N4BP1: variants seen among roughly 807,000 people sequenced by gnomAD.
The protein encoded by N4BP1 is NEDD4 binding protein 1, also known as NEDD4-binding protein 1.
A neutral mutation model predicts 70.9 loss-of-function variants in N4BP1; 21 were observed. The ratio of observed to expected loss-of-function variants is 0.30; its 90% CI spans 0.21 to 0.43. The LOEUF is 0.43. Ranked by LOEUF, N4BP1 falls within the 20% of genes least tolerant of loss-of-function variation. The pLI, the probability that N4BP1 is intolerant of heterozygous loss-of-function variation, is 1.00. For synonymous variants in N4BP1, 387 were observed against 394.6 expected, an observed-to-expected ratio of 0.98 and a Z score of 0.23; for missense variants, 936 against 1,069.4, an observed-to-expected ratio of 0.88 and a Z score of 1.74.
Position 48,551,397 on chromosome 16 carries a change from A to T in N4BP1, c.2106T>A (p.Ser702=). The part of the protein sequence containing the change: ...ARMVFGERIA[S]HDDRFLLHLA... Reference sequence around the variant, plus strand: ...ATGGCCTTTCATACCTGTCATCATGAGAAGCAATTCTTTCTCCAAAGACCA... The same window carrying T: ...ATGGCCTTTCATACCTGTCATCATGTGAAGCAATTCTTTCTCCAAAGACCA... The change falls in exon 4 of 7, where the codon TCT becomes TCA. Residue 702 remains serine, a synonymous_variant. Coordinates refer to ENST00000262384, the MANE Select transcript of N4BP1 (RefSeq NM_153029.4). The T allele has an allele frequency of 6.2e-7, 1 of 1,613,340 alleles. No individual in the cohort carries two copies. Among genetic ancestry groups the T allele is most frequent in the Non-Finnish European group, 8.5e-7 (1 of 1,179,410 alleles).
At chr16:48,567,024 G>C (rs1236697006) in intron 1 of N4BP1, among the ~76,000 whole-genome samples, 1 of 152,152 alleles carries the variant, frequency 6.6e-6, no homozygotes, top group African/African-American at 2.4e-5. Context: ...TGACAATCCA[G>C]CTTTCTTTTA....
chr16:48,559,987 G>C (rs1021675009), intron 2 of N4BP1, among the ~76,000 whole-genome samples: 3 of 152,174 alleles, frequency 2.0e-5, no homozygotes, highest in African/African-American at 4.8e-5. Flanking sequence ...ACAGATTGCA[G>C]CAACTGAAAC....
chr16:48,588,931 G>A (rs532445970), intron 1 of N4BP1, among the ~76,000 whole-genome samples: 1 of 152,260 alleles, frequency 6.6e-6, no homozygotes, highest in Admixed American at 6.5e-5. Context: ...GGTCCACAAA[G>A]TCTACAATAT....
intron 1 of N4BP1, among the ~76,000 whole-genome samples, chr16:48,596,073 T>C (rs1964409247): frequency 6.6e-6 from 1 of 152,224 alleles, no homozygotes; most frequent in South Asian, 2.1e-4. Flanking sequence ...TCAGGCCAAG[T>C]ATAATAAAGT....
intron 5 of N4BP1, 73 bp downstream of exon 5, chr16:48,547,934 G>C (rs1022661317): frequency 9.8e-7 from 1 of 1,025,176 alleles, no homozygotes; most frequent in Non-Finnish European, 1.5e-6. Flanking sequence ...AAAACAAAAC[G>C]AACAAAATGC....
intron 2 of N4BP1, among the ~76,000 whole-genome samples, chr16:48,558,970 G>A (rs1963802304): frequency 6.6e-6 from 1 of 152,066 alleles, no homozygotes; most frequent in Non-Finnish European, 1.5e-5. Flanking sequence ...ACACAGCTTC[G>A]ATAATTCATT....
At chr16:48,585,790 G>A (rs925704448) in intron 1 of N4BP1, among the ~76,000 whole-genome samples, 25 of 152,038 alleles carry the variant, frequency 1.6e-4, no homozygotes, top group African/African-American at 5.6e-4. Flanking sequence ...CCAACTCCTG[G>A]GTTCAAGCAA....
Position 48,564,826 on chromosome 16 carries a change from T to A in N4BP1, c.199-2382A>T, listed in dbSNP as rs1120275. Among the ~76,000 whole-genome samples, 311 of 152,090 alleles carry A rather than the reference T, an allele frequency of 2.0e-3. 6 individuals are homozygous for A. In the East Asian group the frequency reaches 0.052, roughly 25 times the overall value. ...GTATTTCTCTCCATTTATTTAGATT[T>A]CATTTGCTTTCTTTCATTAGCCTTT... On this transcript the variant is annotated intron_variant, in intron 1 of 6. Coordinates refer to ENST00000262384, the MANE Select transcript of N4BP1 (RefSeq NM_153029.4).
chr16:48,601,795 G>T (rs934359404), intron 1 of N4BP1, among the ~76,000 whole-genome samples: 1 of 152,102 alleles, frequency 6.6e-6, no homozygotes, highest in African/African-American at 2.4e-5. Context: ...CTACAGACTT[G>T]GAACTACTGG....
chr16:48,595,481 A>G (rs1964398562), intron 1 of N4BP1, among the ~76,000 whole-genome samples: 1 of 150,280 alleles, frequency 6.7e-6, no homozygotes. Context: ...AAAAAAAAAG[A>G]AAGAAAACTT....
intron 1 of N4BP1, among the ~76,000 whole-genome samples, chr16:48,588,078 T>G (rs970759550): frequency 3.5e-4 from 54 of 152,204 alleles, no homozygotes; most frequent in African/African-American, 1.2e-3. Context: ...AATATAAGAT[T>G]TCTTATGAAA....
intron 1 of N4BP1, among the ~76,000 whole-genome samples, chr16:48,598,221 G>A (rs1205384135): frequency 6.6e-6 from 1 of 152,158 alleles, no homozygotes; most frequent in South Asian, 2.1e-4. Flanking sequence ...TGTGCTTAAG[G>A]GTGTCCTTTA....
intron 1 of N4BP1, among the ~76,000 whole-genome samples, chr16:48,576,677 C>T (rs1964099592): frequency 6.6e-6 from 1 of 152,150 alleles, no homozygotes; most frequent in Non-Finnish European, 1.5e-5. Flanking sequence ...TTGACTTCTC[C>T]TCCATTTCAT....
chr16:48,560,574 CAGA>C (rs1434297383), intron 2 of N4BP1, 177 bp downstream of exon 2: 2 of 658,714 alleles, frequency 3.0e-6, no homozygotes, highest in Admixed American at 6.9e-5. Context: ...TTCATGAATC[CAGA>C]AGATGGACTG....
chr16:48,595,859 A>AG (rs1218372481), intron 1 of N4BP1, among the ~76,000 whole-genome samples: 1 of 152,204 alleles, frequency 6.6e-6, no homozygotes, highest in African/African-American at 2.4e-5. Flanking sequence ...ACTTTCTGAC[A>AG]GGCCCAGGAG....
chr16:48,546,076 C>T (rs781079845), intron 6 of N4BP1, 71 bp downstream of exon 6: 1 of 925,356 alleles, frequency 1.1e-6, no homozygotes, highest in East Asian at 2.7e-5. Flanking sequence ...TCTATAAAGA[C>T]AGCACTTGCA....
At chr16:48,605,661 C>A (rs1267968273) in intron 1 of N4BP1, among the ~76,000 whole-genome samples, 1 of 152,184 alleles carries the variant, frequency 6.6e-6, no homozygotes, top group Non-Finnish European at 1.5e-5. Context: ...AGTTACTCAA[C>A]CCTTATTTTC....
rs147566227 is a variant in N4BP1 at position 48,545,614 on chromosome 16, A to G, written c.2333+533T>C. 1.8e-3 allele frequency among the ~76,000 whole-genome samples: 267 copies of G among 152,052 alleles called. 1 individual carries two copies. The highest frequency in any genetic ancestry group is 6.1e-3 in the African/African-American group (252 of 41,470). Reference sequence around the variant, plus strand: ...AATCAATAAAAATAAACCCACAAAAAAAGTTTGGCTCCTGTCTTTTCCTAG... The same window carrying G: ...AATCAATAAAAATAAACCCACAAAAGAAGTTTGGCTCCTGTCTTTTCCTAG... On this transcript the variant is annotated intron_variant, in intron 6 of 6. Transcript: ENST00000262384.
intron 1 of N4BP1, among the ~76,000 whole-genome samples, chr16:48,605,872 T>A (rs17754597): frequency 0.059 from 8,931 of 152,262 alleles, 397 homozygotes; most frequent in Admixed American, 0.12. Flanking sequence ...ACTGGAGGAA[T>A]CTGTGATGCA....
Sources: gnomAD v4.1 joint callset for allele counts (sites outside exome capture counted in the v4.1 genomes callset) on GRCh38, gnomAD v4.1.1 for gene constraint, MANE v1.5 for transcripts, NCBI Gene and HGNC (gene_info 2026-07-23, HGNC 2026-07-21) for gene names.